The following DMD variants were observed in gnomAD, a reference collection of about 807,000 sequenced individuals.
DMD encodes dystrophin, also known as mutant dystrophin.
Under a neutral mutation model 330.1 loss-of-function variants are expected in DMD, and 63 were observed. That is an observed-to-expected ratio of 0.19 (90% CI 0.16 to 0.24). The LOEUF is 0.24. DMD is among the 10% of genes least tolerant of loss of function. The probability of loss-of-function intolerance (pLI) is 1.00; values close to 1 mark genes in which losing one functional copy is unlikely to be tolerated. For missense variants in DMD, 3,344 were observed against 2,684.1 expected (o/e 1.25, Z -5.43); for synonymous variants, 1,223 against 959.8 (o/e 1.27, Z -5.07).
intron 7 of DMD, among the ~76,000 whole-genome samples, chrX:32,749,279 A>G: frequency 8.9e-6 from 1 of 112,218 alleles, no homozygotes; most frequent in Non-Finnish European, 1.9e-5. Context: ...ACAAACCATG[A>G]AATAATTTGG....
intron 60 of DMD, among the ~76,000 whole-genome samples, chrX:31,396,548 G>GTTTTTTTTTT (rs56745544): frequency 1.5e-5 from 1 of 66,067 alleles, no homozygotes. Flanking sequence ...AAATCCCAGG[G>GTTTTTTTTTT]TTTTTTTTTT....
chrX:31,944,505 G>A (rs1351599409), intron 45 of DMD, among the ~76,000 whole-genome samples: 1 of 102,281 alleles, frequency 9.8e-6, no homozygotes, highest in Non-Finnish European at 2.0e-5. Flanking sequence ...TTGAGACGGA[G>A]TCTCACTCTG....
rs181032058 is a variant in DMD, at chrX:32,487,132, A to G, written c.2623-2033T>C. 9.0e-3 allele frequency among the ~76,000 whole-genome samples: 1,004 copies of G among 111,483 alleles called. 3 individuals carry two copies. The highest frequency in any genetic ancestry group is 0.014 in the Non-Finnish European group (723 of 53,029). Reference sequence around the variant, plus strand: ...AAAGGGCTAATATCCAGAATCTACAACGAACTCAAAAAAATTTACAAGAAA... The same window carrying G: ...AAAGGGCTAATATCCAGAATCTACAGCGAACTCAAAAAAATTTACAAGAAA... On this transcript the variant is annotated intron_variant, in intron 20 of 78. Coordinates refer to ENST00000357033, the MANE Select transcript of DMD (RefSeq NM_004006.3).
intron 30 of DMD, among the ~76,000 whole-genome samples, chrX:32,397,862 CAAAT>C (rs1463613845): frequency 3.6e-5 from 4 of 110,422 alleles, no homozygotes; most frequent in African/African-American, 1.3e-4. Context: ...AAAATGATAT[CAAAT>C]AATTATTGGA....
At chrX:31,324,868 A>T (rs2056667085) in intron 61 of DMD, among the ~76,000 whole-genome samples, 1 of 112,228 alleles carries the variant, frequency 8.9e-6, no homozygotes, top group South Asian at 3.7e-4. Flanking sequence ...AATAAAAGTT[A>T]ACTTCACCCA....
chrX:32,030,175 C>T (rs1235398216), intron 44 of DMD, among the ~76,000 whole-genome samples: 1 of 112,187 alleles, frequency 8.9e-6, no homozygotes, highest in Non-Finnish European at 1.9e-5. Flanking sequence ...CTGACATTAG[C>T]TATGAGAAAT....
chrX:31,937,516 C>T (rs778444451), intron 45 of DMD, among the ~76,000 whole-genome samples: 3 of 111,428 alleles, frequency 2.7e-5, no homozygotes, highest in African/African-American at 9.8e-5. Context: ...TTTTTTTATA[C>T]TTTGAAATAT....
rs2094522308 is a variant in DMD at position 33,056,693 on chromosome X, A to ATTCG, written c.32-36497_32-36494dup. ...GCGCTTTTTATAAATTCATTCATTCATTCGTTCGTTCATTCATTCAATAAA... is the reference window on the plus strand; with the variant it reads ...GCGCTTTTTATAAATTCATTCATTCATTCGTTCGTTCGTTCATTCATTCAATAAA... On this transcript the variant is annotated intron_variant, in intron 1 of 78. Coordinates refer to ENST00000357033, the MANE Select transcript of DMD (RefSeq NM_004006.3). 3.6e-5 allele frequency among the ~76,000 whole-genome samples: 4 copies of ATTCG among 111,270 alleles called. 1 individual carries two copies. Among genetic ancestry groups the ATTCG allele is most frequent in the African/African-American group, 3.3e-5 (1 of 30,594 alleles).
rs754209085 is a variant in DMD at position 31,519,942 on chromosome X, TC to T, written c.8218-12490del. ...ACTTTTGTGTGTGTGCCTAGATAGT[TC>T]TTTCATCCTATTTTGCTTTTCTTCT... On this transcript the variant is annotated intron_variant, in intron 55 of 78. Coordinates refer to ENST00000357033, the MANE Select transcript of DMD (RefSeq NM_004006.3). Among the ~76,000 whole-genome samples, 99 of 111,879 alleles carry T rather than the reference TC, an allele frequency of 8.8e-4. 1 individual carries two copies. The highest frequency in any genetic ancestry group is 3.1e-3 in the African/African-American group (95 of 30,791).
In DMD at chrX:32,697,450, C is replaced by T. The variant is rs552926933; in HGVS notation, c.960+420G>A. 2.7e-5 allele frequency among the ~76,000 whole-genome samples: 3 copies of T among 111,830 alleles called. No individual in the cohort carries two copies. The South Asian group carries it at 1.1e-3, about 41-fold the overall frequency. ...TAGAATGAATAGATAAAATAATTCA[C>T]TTAGAATGTATGTATTTCCTTTACG... On this transcript the variant is annotated intron_variant, in intron 9 of 78. Transcript: ENST00000357033.
At chrX:32,713,988 C>A (rs1331915175) in intron 7 of DMD, among the ~76,000 whole-genome samples, 1 of 112,099 alleles carries the variant, frequency 8.9e-6, no homozygotes, top group Non-Finnish European at 1.9e-5. Context: ...TCTATAAAAA[C>A]TAAAGTACTG....
At chrX:32,650,856 A>G in intron 9 of DMD, among the ~76,000 whole-genome samples, 1 of 112,303 alleles carries the variant, frequency 8.9e-6, no homozygotes, top group East Asian at 2.8e-4. Flanking sequence ...GCCATTATTT[A>G]TTGAGTACTT....
At chrX:31,361,436 C>G (rs988710204) in intron 60 of DMD, among the ~76,000 whole-genome samples, 1 of 110,968 alleles carries the variant, frequency 9.0e-6, no homozygotes, top group Non-Finnish European at 1.9e-5. Flanking sequence ...ATGACTGCAG[C>G]TGAGACGAAT....
At chrX:32,742,268 ATG>A (rs1324839450) in intron 7 of DMD, among the ~76,000 whole-genome samples, 1 of 112,164 alleles carries the variant, frequency 8.9e-6, no homozygotes, top group East Asian at 2.8e-4. Flanking sequence ...GGAAAGAATG[ATG>A]TGTTTATTCC....
chrX:31,402,686 T>A (rs1031552943), intron 60 of DMD, among the ~76,000 whole-genome samples: 2 of 112,085 alleles, frequency 1.8e-5, no homozygotes, highest in African/African-American at 6.5e-5. Flanking sequence ...AAAAAGTTTA[T>A]TGTAATTCTT....
intron 26 of DMD, 71 bp from the exon 27 acceptor site, chrX:32,448,709 A>G (rs751717272): frequency 6.4e-5 from 63 of 976,754 alleles, no homozygotes; most frequent in Non-Finnish European, 8.6e-5. Context: ...TCTATGAATC[A>G]TATAATTTCT....
chrX:32,551,156 C>T (rs1426886921), intron 16 of DMD, among the ~76,000 whole-genome samples: 1 of 110,683 alleles, frequency 9.0e-6, no homozygotes, highest in Admixed American at 9.7e-5. Flanking sequence ...GTCCTGATAC[C>T]AAAACCTGGC....
intron 1 of DMD, among the ~76,000 whole-genome samples, chrX:33,307,579 G>A (rs2053782938): frequency 8.9e-6 from 1 of 111,950 alleles, no homozygotes; most frequent in Non-Finnish European, 1.9e-5. Flanking sequence ...TGTAGTCCCA[G>A]CTACTTGGGA....
intron 55 of DMD, among the ~76,000 whole-genome samples, chrX:31,523,786 T>C (rs911217930): frequency 8.9e-5 from 10 of 111,797 alleles, no homozygotes; most frequent in Non-Finnish European, 1.9e-4. Context: ...GGGAAACAGT[T>C]CAAGATCAAA....
Sources: allele counts gnomAD v4.1 joint callset (sites outside exome capture counted in the v4.1 genomes callset), GRCh38; gene constraint gnomAD v4.1.1; transcripts MANE v1.5; gene names NCBI Gene and HGNC (gene_info 2026-07-23, HGNC 2026-07-21).